Variants in C16orf74 observed in about 807,000 individuals in gnomAD.
C16orf74 encodes the protein calcimembrin.
C16orf74 carries 10 observed loss-of-function variants against 6.5 expected under a neutral mutation model. That is an observed-to-expected ratio of 1.54 (90% CI 0.95 to 2.61). The LOEUF (loss-of-function observed/expected upper bound fraction) is 2.61. Among genes scored for constraint, C16orf74 ranks in the 30% most tolerant of loss-of-function variants. C16orf74 has a pLI of 0.00. For synonymous variants in C16orf74, 60 were observed against 42.5 expected (o/e 1.41, Z -1.60); for missense variants, 141 against 105.9 (o/e 1.33, Z -1.45).
chr16:85,732,118 G>C (rs1598798509), intron 2 of C16orf74, among the ~76,000 whole-genome samples: 1 of 152,254 alleles, frequency 6.6e-6, no homozygotes. Context: ...CCACAAGGCA[G>C]AGGCTGGAGC....
chr16:85,734,358 C>T (rs2054221556), intron 2 of C16orf74, among the ~76,000 whole-genome samples: 2 of 152,296 alleles, frequency 1.3e-5, no homozygotes, highest in African/African-American at 4.8e-5. Context: ...GAGGCCACAA[C>T]TCACACCATG....
chr16:85,721,310 T>G (rs399447), intron 2 of C16orf74, among the ~76,000 whole-genome samples: 51,667 of 151,368 alleles, frequency 0.34, 9,009 homozygotes, highest in Middle Eastern at 0.41. Flanking sequence ...TGCTAACACT[T>G]TGGTCATTCT....
intron 2 of C16orf74, among the ~76,000 whole-genome samples, chr16:85,732,622 C>T (rs1359790054): frequency 1.4e-5 from 2 of 138,652 alleles, no homozygotes; most frequent in East Asian, 2.3e-4. Context: ...GTCGAGATTG[C>T]ACCACTGCAC....
intron 2 of C16orf74, among the ~76,000 whole-genome samples, chr16:85,721,431 C>G (rs1267153848): frequency 1.3e-5 from 2 of 152,198 alleles, no homozygotes; most frequent in South Asian, 2.1e-4. Context: ...ACATTGCCAA[C>G]TGTCCCTGGA....
At position 85,733,882 on chromosome 16, in the gene C16orf74, G is replaced by A. The variant is rs750471226; in HGVS notation, c.28+1308C>T. Among the ~76,000 whole-genome samples, 3 of 152,170 alleles carry A rather than the reference G, an allele frequency of 2.0e-5. 1 individual carries two copies. Among genetic ancestry groups the A allele is most frequent in the African/African-American group, 4.8e-5 (2 of 41,440 alleles). Reference sequence around the variant, plus strand: ...CAGGGGAACCAATCTCTCCGCAAGCGGTGTTGGAGGAGCTGTCAATCAAGA... The same window carrying A: ...CAGGGGAACCAATCTCTCCGCAAGCAGTGTTGGAGGAGCTGTCAATCAAGA... On this transcript the variant is annotated intron_variant, in intron 2 of 3. Coordinates refer to ENST00000284245, the MANE Select transcript of C16orf74 (RefSeq NM_206967.3).
chr16:85,723,264 A>C (rs1296680017), intron 2 of C16orf74, among the ~76,000 whole-genome samples: 3 of 141,188 alleles, frequency 2.1e-5, no homozygotes, highest in East Asian at 4.0e-4. Flanking sequence ...CATCTCAAAA[A>C]AAAAAAAAAA....
At chr16:85,729,890 T>C (rs1160820944) in intron 2 of C16orf74, among the ~76,000 whole-genome samples, 1 of 151,928 alleles carries the variant, frequency 6.6e-6, no homozygotes, top group Non-Finnish European at 1.5e-5. Context: ...TTCAGAACAA[T>C]GAGAGAATAA....
intron 2 of C16orf74, among the ~76,000 whole-genome samples, chr16:85,729,116 G>A (rs1468170553): frequency 6.6e-6 from 1 of 152,158 alleles, no homozygotes; most frequent in African/African-American, 2.4e-5. Flanking sequence ...AGGAACCAAG[G>A]AGACGACTCC....
chr16:85,734,806 C>T (rs758782924), intron 2 of C16orf74, among the ~76,000 whole-genome samples: 9 of 152,164 alleles, frequency 5.9e-5, no homozygotes, highest in African/African-American at 1.2e-4. Context: ...ACCACCTGGA[C>T]GCTGGACCTC....
chr16:85,732,013 T>C (rs918763221), intron 2 of C16orf74, among the ~76,000 whole-genome samples: 2 of 152,150 alleles, frequency 1.3e-5, no homozygotes, highest in East Asian at 1.9e-4. Context: ...GAGTTAAGGA[T>C]CTTGGGATGA....
At chr16:85,725,848 C>A (rs7199402) in intron 2 of C16orf74, among the ~76,000 whole-genome samples, 3,709 of 152,214 alleles carry the variant, frequency 0.024, 150 homozygotes, top group African/African-American at 0.083. Flanking sequence ...AAGCAATCTG[C>A]CCACCTTGGC....
At chr16:85,740,827 C>CAAAAAAAAAAAA (rs57813380) in intron 1 of C16orf74, among the ~76,000 whole-genome samples, 2 of 97,896 alleles carry the variant, frequency 2.0e-5, no homozygotes, top group Non-Finnish European at 3.7e-5. Flanking sequence ...GTGAGACCCT[C>CAAAAAAAAAAAA]AAAAAAAAAA....
intron 1 of C16orf74, among the ~76,000 whole-genome samples, chr16:85,737,387 C>G (rs772991810): frequency 6.6e-6 from 1 of 152,216 alleles, no homozygotes; most frequent in Non-Finnish European, 1.5e-5. Context: ...CTCCGCACAT[C>G]ACCCAGGAGC....
At chr16:85,713,200 G>A (rs1053399691) in intron 2 of C16orf74, among the ~76,000 whole-genome samples, 10 of 152,210 alleles carry the variant, frequency 6.6e-5, no homozygotes, top group South Asian at 6.2e-4. Flanking sequence ...TCCTAGGCTC[G>A]TAGAAGCCTC....
intron 2 of C16orf74, among the ~76,000 whole-genome samples, chr16:85,734,452 C>G (rs2054222562): frequency 6.6e-6 from 1 of 152,178 alleles, no homozygotes; most frequent in South Asian, 2.1e-4. Flanking sequence ...CTGCTGGGGT[C>G]AGGTAGGTGG....
intron 1 of C16orf74, among the ~76,000 whole-genome samples, chr16:85,750,644 G>C (rs2054427083): frequency 6.6e-6 from 1 of 152,256 alleles, no homozygotes; most frequent in Middle Eastern, 3.4e-3. Context: ...TGGTGAGTGG[G>C]GGGCCAGAGG....
chr16:85,710,169 CTCCCCAAG>C lies in C16orf74; in HGVS notation c.159_166del (p.Asp53GlufsTer7). The C allele has an allele frequency of 6.9e-7, 1 of 1,447,336 alleles. No individual in the cohort carries two copies. Among genetic ancestry groups the C allele is most frequent in the Non-Finnish European group, 9.0e-7 (1 of 1,106,944 alleles). 89.7% of individuals were successfully genotyped at this position (1,447,336 alleles called of 1,614,324 possible). A position where few individuals can be genotyped will look rare whatever the true frequency, so the allele number is the denominator to read the frequency against. ...GGTGGAGGGGACGGCCTCACCTGTG[CTCCCCAAG>C]TCCCTCGGCAGCATCATGCCCGTGG... On this transcript the variant is annotated frameshift_variant, in exon 3 of 4. Transcript: ENST00000284245. LOFTEE classifies it high-confidence loss of function.
intron 2 of C16orf74, among the ~76,000 whole-genome samples, chr16:85,717,250 C>T (rs1440544533): frequency 6.6e-6 from 1 of 152,194 alleles, no homozygotes; most frequent in Non-Finnish European, 1.5e-5. Flanking sequence ...TCTGGGCCCT[C>T]CTAGCTCCAG....
At chr16:85,738,872 G>A (rs998662341) in intron 1 of C16orf74, among the ~76,000 whole-genome samples, 3 of 152,126 alleles carry the variant, frequency 2.0e-5, no homozygotes, top group South Asian at 2.1e-4. Flanking sequence ...AGTTGGGACC[G>A]TTCCTGTCCC....
Sources: allele counts gnomAD v4.1 joint callset (sites outside exome capture counted in the v4.1 genomes callset), GRCh38; gene constraint gnomAD v4.1.1; transcripts MANE v1.5; gene names NCBI Gene and HGNC (gene_info 2026-07-23, HGNC 2026-07-21).